The following TMEM44 variants were observed in gnomAD, a reference collection of about 807,000 sequenced individuals.
TMEM44 encodes the protein transmembrane protein 44.
TMEM44 carries 43 observed loss-of-function variants against 47.8 expected under a neutral mutation model. The observed-to-expected ratio is 0.90, with a 90% CI of 0.70 to 1.16. The LOEUF is 1.16. Among genes scored for constraint, TMEM44 ranks in the 50% most tolerant of loss-of-function variants. The pLI is 0.00. For missense variants in TMEM44, 568 were observed against 555.2 expected (o/e 1.02, Z -0.23); for synonymous variants, 277 against 238.8 (o/e 1.16, Z -1.48).
At chr3:194,606,108 C>T (rs553594283) in intron 8 of TMEM44, among the ~76,000 whole-genome samples, 74 of 152,228 alleles carry the variant, frequency 4.9e-4, no homozygotes, top group Non-Finnish European at 7.9e-4. Flanking sequence ...TCTATAAATG[C>T]CCAAGGCCTG....
intron 7 of TMEM44, among the ~76,000 whole-genome samples, chr3:194,614,570 AT>A (rs1041503014): frequency 2.0e-5 from 3 of 151,660 alleles, no homozygotes; most frequent in Non-Finnish European, 2.9e-5. Context: ...TACCCGGCCA[AT>A]TTTTTTTGTA....
chr3:194,600,214 C>T (rs965917726), intron 9 of TMEM44, among the ~76,000 whole-genome samples: 1 of 152,206 alleles, frequency 6.6e-6, no homozygotes, highest in Non-Finnish European at 1.5e-5. Context: ...ACCTCAGTCT[C>T]CCAAGTAGCT....
chr3:194,607,868 C>T (rs918885026), intron 8 of TMEM44, among the ~76,000 whole-genome samples: 4 of 152,202 alleles, frequency 2.6e-5, no homozygotes, highest in Admixed American at 2.6e-4. Flanking sequence ...TCGGGGCTCC[C>T]TCTAGCCCTC....
In TMEM44 at chr3:194,588,493, CTGGGCTCTGAGCTGA is replaced by C. The variant is rs1478008269; in HGVS notation, c.*21_*35del. On this transcript the variant is annotated 3_prime_UTR_variant, in exon 10 of 10. Transcript: ENST00000347147. ...TGCGTTACTGAACGAACTCCTGACC[CTGGGCTCTGAGCTGA>C]TGAGCTGGCTCCAGAAGGTGTTAAT... 7 of 1,594,600 alleles carry C rather than the reference CTGGGCTCTGAGCTGA, an allele frequency of 4.4e-6. No individual in the cohort carries two copies. The highest frequency in any genetic ancestry group is 1.7e-5 in the Admixed American group (1 of 59,854).
At chr3:194,628,635 G>T in intron 1 of TMEM44, 126 bp from the exon 2 acceptor site, 2 of 1,205,650 alleles carry the variant, frequency 1.7e-6, no homozygotes, top group Non-Finnish European at 2.2e-6. Flanking sequence ...TATTTAGGAC[G>T]TGTTTTTGAA....
chr3:194,595,895 G>A (rs1244402284), intron 9 of TMEM44, among the ~76,000 whole-genome samples: 2 of 152,108 alleles, frequency 1.3e-5, no homozygotes, highest in Non-Finnish European at 2.9e-5. Context: ...AAAGTGCTGG[G>A]ATTACAAGCG....
At chr3:194,613,970 A>G (rs766954992) in intron 7 of TMEM44, among the ~76,000 whole-genome samples, 2 of 151,716 alleles carry the variant, frequency 1.3e-5, no homozygotes, top group Non-Finnish European at 2.9e-5. Context: ...TAAAAATACA[A>G]AATTAGCCGG....
chr3:194,627,629 T>C (rs1421792077), intron 2 of TMEM44, among the ~76,000 whole-genome samples: 1 of 152,164 alleles, frequency 6.6e-6, no homozygotes, highest in Non-Finnish European at 1.5e-5. Flanking sequence ...GATACAGCAG[T>C]GAACAAATCC....
Position 194,604,372 on chromosome 3 carries a change from G to C in TMEM44, c.1091C>G (p.Pro364Arg). 6.4e-7 allele frequency: 1 copy of C among 1,559,420 alleles called. No individual in the cohort carries two copies. The highest frequency in any genetic ancestry group is 8.7e-7 in the Non-Finnish European group (1 of 1,151,578). ...GATGACCTGAACGGGAGGGTACGACGGGGGGTCCTGCAGGGACGCATCTCC... is the reference window on the plus strand; with the variant it reads ...GATGACCTGAACGGGAGGGTACGACCGGGGGTCCTGCAGGGACGCATCTCC... ...SAGDASLQDP[P>R]SYPPVQVIRA... Residue 364 changes from proline (P) to arginine (R), a missense_variant, in exon 9 of 10, where the codon CCG becomes CGG. Coordinates refer to ENST00000347147, the MANE Select transcript of TMEM44 (RefSeq NM_001011655.3).
intron 5 of TMEM44, among the ~76,000 whole-genome samples, chr3:194,620,262 G>T (rs1342604677): frequency 7.3e-6 from 1 of 137,804 alleles, no homozygotes; most frequent in Non-Finnish European, 1.5e-5. Flanking sequence ...TTGCACTCCA[G>T]CCTGGCTGAC....
At chr3:194,610,777 T>C in intron 8 of TMEM44, 139 bp downstream of exon 8, 3 of 728,940 alleles carry the variant, frequency 4.1e-6, no homozygotes, top group Non-Finnish European at 6.9e-6. Context: ...ACTGCAGCCT[T>C]GGACAGCTCC....
Position 194,626,005 on chromosome 3 carries a change from G to A in TMEM44, c.265-15C>T. The A allele has an allele frequency of 6.3e-7, 1 of 1,593,742 alleles. No homozygotes were observed. On this transcript the variant is annotated splice_polypyrimidine_tract_variant and intron_variant, in intron 2 of 9. Coordinates refer to ENST00000347147, the MANE Select transcript of TMEM44 (RefSeq NM_001011655.3). ...CCAGTGAAAACCTGGGAGCAAACGG[G>A]AAGAGAGTCTTGGCATTCAAGCATC...
chr3:194,594,125 A>ATCTG (rs1484301999), intron 9 of TMEM44, among the ~76,000 whole-genome samples: 46 of 91,818 alleles, frequency 5.0e-4, no homozygotes, highest in African/African-American at 9.1e-4. Flanking sequence ...TTTTCTATCT[A>ATCTG]TCTATCTATC....
chr3:194,606,809 G>C (rs1714820316), intron 8 of TMEM44, among the ~76,000 whole-genome samples: 1 of 151,822 alleles, frequency 6.6e-6, no homozygotes, highest in South Asian at 2.1e-4. Context: ...AGCCAAGCAT[G>C]GTGGCATATG....
At chr3:194,629,611 C>T (rs1384421515) in intron 1 of TMEM44, among the ~76,000 whole-genome samples, 1 of 151,918 alleles carries the variant, frequency 6.6e-6, no homozygotes, top group Non-Finnish European at 1.5e-5. Context: ...TTTCTATCGG[C>T]GTCCCTGATA....
chr3:194,622,338 G>C (rs1716636038), intron 5 of TMEM44, among the ~76,000 whole-genome samples: 1 of 152,106 alleles, frequency 6.6e-6, no homozygotes, highest in Non-Finnish European at 1.5e-5. Context: ...GAGCGTAGGA[G>C]CCTTCTCTCT....
Position 194,617,223 on chromosome 3 carries a change from A to G in TMEM44, c.659T>C (p.Leu220Pro), listed in dbSNP as rs771198203. The stretch of plus-strand genomic sequence containing the variant: ...ATAGAGGAGGCCAGCCAGGGCCGAC[A>G]GGAGCCGGGTCCACAGGTGGATGGA... ...FPSIHLWTRL[L>P]SALAGLLYAS... The change falls in exon 6 of 10, where the codon CTG (leucine) becomes CCG (proline). Residue 220 changes from leucine (L) to proline (P), a missense_variant. By Grantham distance (98) the Leu-to-Pro change is moderately conservative. Transcript: ENST00000347147. 1 of 1,463,698 alleles carries G rather than the reference A, an allele frequency of 6.8e-7. No homozygotes were observed. The highest frequency in any genetic ancestry group is 1.2e-5 in the South Asian group (1 of 82,910). 90.7% of individuals were successfully genotyped at this position (1,463,698 alleles called of 1,614,324 possible). A position where few individuals can be genotyped will look rare whatever the true frequency, so the allele number is the denominator to read the frequency against.
intron 3 of TMEM44, 94 bp from the exon 4 acceptor site, chr3:194,623,789 A>G (rs1202517477): frequency 9.9e-6 from 15 of 1,512,302 alleles, no homozygotes; most frequent in Admixed American, 1.8e-5. Context: ...AGCTCCCCAC[A>G]TGATGCTGAA....
At chr3:194,615,343 A>C (rs2109191179) in intron 7 of TMEM44, among the ~76,000 whole-genome samples, 1 of 152,286 alleles carries the variant, frequency 6.6e-6, no homozygotes, top group South Asian at 2.1e-4. Context: ...TGGAGGCTCA[A>C]TGCCCCGTCC....
Sources: allele counts gnomAD v4.1 joint callset (sites outside exome capture counted in the v4.1 genomes callset), GRCh38; gene constraint gnomAD v4.1.1; transcripts MANE v1.5; gene names NCBI Gene and HGNC (gene_info 2026-07-23, HGNC 2026-07-21).